The following SMPD3 variants were observed in gnomAD, a reference collection of about 807,000 sequenced individuals.
SMPD3 encodes the protein sphingomyelin phosphodiesterase 3.
Under a neutral mutation model 55.7 loss-of-function variants are expected in SMPD3, and 21 were observed. The ratio of observed to expected loss-of-function variants is 0.38; its 90% CI spans 0.27 to 0.54. The LOEUF (loss-of-function observed/expected upper bound fraction) is 0.54, where lower values mean the gene tolerates loss of function less well. SMPD3 is among the 20% of genes least tolerant of loss of function. The probability of loss-of-function intolerance (pLI) is 0.80; values close to 1 mark genes in which losing one functional copy is unlikely to be tolerated. For synonymous variants in SMPD3, 457 were observed against 404.3 expected (o/e 1.13, Z -1.56); for missense variants, 842 against 899.6 (o/e 0.94, Z 0.82).
In SMPD3 at chr16:68,371,704, T is replaced by C; in HGVS notation, c.478A>G (p.Asn160Asp). 1 of 1,584,112 alleles carries C rather than the reference T, an allele frequency of 6.3e-7. No individual in the cohort carries two copies. ...TTGATCTGGGGCCGGGCGGCCCCAT[T>C]GCGGATTCTCTGCCCGATCTCCTTG... ...RAKEIGQRIR[N>D]GAARPQIKIY... Residue 160 changes from asparagine to aspartate, a missense_variant, in exon 3 of 9, where the codon AAT becomes GAT. Physicochemically the swap from Asn to Asp is conservative, Grantham distance 23. Around this residue, in one of 2 missense-constraint regions of SMPD3, gnomAD observed 193 missense variants for 256.0 expected, o/e 0.75. Transcript: ENST00000219334.
At chr16:68,384,425 A>G (rs2151999275) in intron 2 of SMPD3, among the ~76,000 whole-genome samples, 1 of 152,354 alleles carries the variant, frequency 6.6e-6, no homozygotes, top group South Asian at 2.1e-4. Context: ...GTATTGCACA[A>G]GCTTGCAGTC....
chr16:68,374,773 T>A (rs2089767660), intron 2 of SMPD3, among the ~76,000 whole-genome samples: 1 of 152,136 alleles, frequency 6.6e-6, no homozygotes, highest in South Asian at 2.1e-4. Context: ...CCGGCTGTCT[T>A]CACACTGGCT....
At chr16:68,430,202 C>A (rs1443041948) in intron 1 of SMPD3, among the ~76,000 whole-genome samples, 1 of 151,798 alleles carries the variant, frequency 6.6e-6, no homozygotes, top group Non-Finnish European at 1.5e-5. Flanking sequence ...CACTAACATA[C>A]TCCCCTCTTC....
chr16:68,368,775 G>T (rs1362439985), intron 3 of SMPD3: 1 of 152,352 alleles, frequency 6.6e-6, no homozygotes, highest in African/African-American at 2.4e-5. Flanking sequence ...TCCCAGGCAG[G>T]TGTCATGATG....
At chr16:68,361,414 T>C in intron 8 of SMPD3, 107 bp from the exon 9 acceptor site, 2 of 1,377,436 alleles carry the variant, frequency 1.5e-6, no homozygotes, top group Non-Finnish European at 2.0e-6. Flanking sequence ...TGGGGTGGGC[T>C]GGGACCTTCC....
intron 1 of SMPD3, among the ~76,000 whole-genome samples, chr16:68,441,166 C>T (rs1340936911): frequency 6.6e-6 from 1 of 152,210 alleles, no homozygotes; most frequent in Middle Eastern, 3.2e-3. Flanking sequence ...TGAACACTCA[C>T]TCTGGACCTG....
intron 5 of SMPD3, among the ~76,000 whole-genome samples, 184 bp from the exon 6 acceptor site, chr16:68,364,050 G>A (rs1462351550): frequency 1.3e-5 from 2 of 152,042 alleles, no homozygotes; most frequent in Non-Finnish European, 2.9e-5. Flanking sequence ...CTGCTTTTCT[G>A]TGTCCTTGAG....
chr16:68,378,085 C>A (rs1361097489), intron 2 of SMPD3, among the ~76,000 whole-genome samples: 18 of 152,208 alleles, frequency 1.2e-4, no homozygotes, highest in Admixed American at 3.3e-4. Flanking sequence ...GGCTGGGAGT[C>A]CCAGAGCAGA....
chr16:68,439,705 A>G (rs1343549877), intron 1 of SMPD3, among the ~76,000 whole-genome samples: 1 of 152,150 alleles, frequency 6.6e-6, no homozygotes, highest in Non-Finnish European at 1.5e-5. Context: ...CTTAATACAT[A>G]TTTCTTTGGC....
intron 3 of SMPD3, among the ~76,000 whole-genome samples, chr16:68,365,997 A>C (rs554150632): frequency 6.6e-6 from 1 of 152,156 alleles, no homozygotes; most frequent in Non-Finnish European, 1.5e-5. Flanking sequence ...CCAGCTCCTC[A>C]TCCCCTGCCC....
chr16:68,412,041 AGGAGGTGCTCTG>A (rs1313341061), intron 1 of SMPD3, among the ~76,000 whole-genome samples: 4 of 152,142 alleles, frequency 2.6e-5, no homozygotes, highest in Non-Finnish European at 4.4e-5. Context: ...AGAAGGAGGC[AGGAGGTGCTCTG>A]GGAAAGTGCA....
At chr16:68,431,393 G>A (rs2090478472) in intron 1 of SMPD3, among the ~76,000 whole-genome samples, 1 of 152,230 alleles carries the variant, frequency 6.6e-6, no homozygotes, top group African/African-American at 2.4e-5. Context: ...TTCAGTTGCA[G>A]TCAGAATCAG....
At chr16:68,438,061 T>C (rs1482546848) in intron 1 of SMPD3, among the ~76,000 whole-genome samples, 1 of 152,186 alleles carries the variant, frequency 6.6e-6, no homozygotes, top group African/African-American at 2.4e-5. Context: ...GCAGCCACCC[T>C]GGGAGGCAGC....
intron 1 of SMPD3, among the ~76,000 whole-genome samples, chr16:68,427,638 C>T (rs935106613): frequency 1.3e-5 from 2 of 151,888 alleles, no homozygotes; most frequent in South Asian, 2.1e-4. Context: ...GCTCCCATAC[C>T]GGACAGCACA....
chr16:68,447,086 C>T lies in SMPD3; in HGVS notation c.-269+1267G>A, dbSNP rs1447238345. ...CTGCCCGCGCCGCGCCCGAAGCCCC[C>T]CCTCCGCGGCCGCGCCCCCCGCCCA... On this transcript the variant is annotated intron_variant, in intron 1 of 8. Transcript: ENST00000219334. The surrounding 1 kb of genome is among the most constrained non-coding windows in gnomAD (Gnocchi z 5.1). 2.0e-5 allele frequency among the ~76,000 whole-genome samples: 3 copies of T among 151,976 alleles called. No homozygotes were observed. The highest frequency in any genetic ancestry group is 1.9e-4 in the East Asian group (1 of 5,144).
At chr16:68,382,930 C>T (rs1473623413) in intron 2 of SMPD3, among the ~76,000 whole-genome samples, 1 of 152,182 alleles carries the variant, frequency 6.6e-6, no homozygotes, top group Non-Finnish European at 1.5e-5. Context: ...CAACCTCCAC[C>T]CCCCACTGGG....
intron 2 of SMPD3, among the ~76,000 whole-genome samples, chr16:68,379,521 T>C (rs1460968413): frequency 6.6e-6 from 1 of 152,220 alleles, no homozygotes; most frequent in Non-Finnish European, 1.5e-5. Flanking sequence ...AGCCGGAGCC[T>C]TCAAAGTCTC....
intron 6 of SMPD3, 99 bp from the exon 7 acceptor site, chr16:68,363,658 G>A (rs2089385446): frequency 2.1e-6 from 3 of 1,449,648 alleles, no homozygotes; most frequent in Admixed American, 3.6e-5. Context: ...CTGCTAGCCA[G>A]GGGCAGCTGA....
At position 68,372,141 on chromosome 16, in the gene SMPD3, G is replaced by A. The variant is rs1419435279; in HGVS notation, c.41C>T (p.Ser14Phe). The change falls in exon 3 of 9, where the codon TCC becomes TTC. Residue 14 changes from serine (S) to phenylalanine (F), a missense_variant. Transcript: ENST00000219334. ...GGCCCAGGACACACAGTGCAGGGCG[G>A]ACAGACAGCTGTTAGGAAAGGGGGT... ...YTTPFPNSCLSALHCVSWALI... is the reference protein window; with the variant it reads ...YTTPFPNSCLFALHCVSWALI... The A allele has an allele frequency of 1.2e-6, 2 of 1,612,862 alleles. No individual in the cohort carries two copies. Among genetic ancestry groups the A allele is most frequent in the South Asian group, 1.1e-5 (1 of 90,690 alleles).
Sources: gnomAD v4.1 joint callset for allele counts (sites outside exome capture counted in the v4.1 genomes callset) on GRCh38, gnomAD v4.1.1 for gene constraint, gnomAD v4.1.1 regional missense constraint, Gnocchi (gnomAD v3.1) non-coding constraint, MANE v1.5 for transcripts, NCBI Gene and HGNC (gene_info 2026-07-23, HGNC 2026-07-21) for gene names.